Variants in SYNE1 observed in about 807,000 individuals in gnomAD.
The protein encoded by SYNE1 is spectrin repeat containing nuclear envelope protein 1, also known as nesprin-1.
SYNE1 carries 616 observed loss-of-function variants against 1,111.0 expected under a neutral mutation model. The observed-to-expected ratio is 0.55, with a 90% CI of 0.52 to 0.59. SYNE1 has a LOEUF of 0.59. SYNE1 is among the 20% of genes least tolerant of loss of function. The pLI is 0.00. For synonymous variants in SYNE1, 3,855 were observed against 3,825.8 expected (o/e 1.01, Z -0.28); for missense variants, 10,006 against 10,417.0 (o/e 0.96, Z 1.72).
At chr6:152,532,398 A>G (rs962630474) in intron 4 of SYNE1, among the ~76,000 whole-genome samples, 2 of 152,222 alleles carry the variant, frequency 1.3e-5, no homozygotes, top group African/African-American at 4.8e-5. Flanking sequence ...ATCATCAAAA[A>G]AAGCTACAAT....
chr6:152,122,058 T>A lies in SYNE1; in HGVS notation c.*378A>T, dbSNP rs1437500772. 1 of 307,854 alleles carries A rather than the reference T, an allele frequency of 3.2e-6. No individual in the cohort carries two copies. Among genetic ancestry groups the A allele is most frequent in the Non-Finnish European group, 6.3e-6 (1 of 159,704 alleles). The allele number at this position is 307,854 out of a possible 1,614,324, so 19.1% of individuals were successfully genotyped here. On this transcript the variant is annotated 3_prime_UTR_variant, in exon 146 of 146. Coordinates refer to ENST00000367255, the MANE Select transcript of SYNE1 (RefSeq NM_182961.4). ...ATGGTGCTTGGGAGGGTCATTTATCTGATGGTTGGAGCAGCACCATGGGAA... is the reference window on the plus strand; with the variant it reads ...ATGGTGCTTGGGAGGGTCATTTATCAGATGGTTGGAGCAGCACCATGGGAA...
chr6:152,230,792 C>A, intron 114 of SYNE1, 90 bp from the exon 115 acceptor site: 3 of 1,408,542 alleles, frequency 2.1e-6, no homozygotes, highest in South Asian at 1.2e-5. Context: ...GTATTTTCTC[C>A]AAATTAAGAA....
chr6:152,529,251 G>A (rs57917984), intron 4 of SYNE1, among the ~76,000 whole-genome samples: 2,205 of 152,256 alleles, frequency 0.014, 47 homozygotes, highest in African/African-American at 0.05. Flanking sequence ...TATATTGTAT[G>A]TAGTCTATAG....
At chr6:152,240,112 G>A (rs919236169) in intron 107 of SYNE1, among the ~76,000 whole-genome samples, 5 of 152,108 alleles carry the variant, frequency 3.3e-5, no homozygotes, top group African/African-American at 4.8e-5. Flanking sequence ...TGAGGAGTGC[G>A]CGAGGAGTCC....
chr6:152,260,638 A>G (rs1331149240), intron 101 of SYNE1, among the ~76,000 whole-genome samples: 1 of 151,714 alleles, frequency 6.6e-6, no homozygotes, highest in East Asian at 1.9e-4. Flanking sequence ...TCCACAGATG[A>G]CAGGACACCT....
At chr6:152,140,789 T>A (rs2058348005) in intron 139 of SYNE1, among the ~76,000 whole-genome samples, 1 of 152,092 alleles carries the variant, frequency 6.6e-6, no homozygotes, top group Non-Finnish European at 1.5e-5. Flanking sequence ...ATCCCAGCAC[T>A]TTGGGAGGCC....
chr6:152,230,816 G>A (rs2082602310), intron 114 of SYNE1, 114 bp from the exon 115 acceptor site: 1 of 1,217,008 alleles, frequency 8.2e-7, no homozygotes, highest in African/African-American at 1.5e-5. Flanking sequence ...TTAAAATACA[G>A]TTCATCGTAT....
At position 152,221,488 on chromosome 6, in the gene SYNE1, T is replaced by C. The variant is rs750292751; in HGVS notation, c.21594A>G (p.Leu7198=). Residue 7198 remains leucine, a synonymous_variant, in exon 118 of 146, where the codon TTA becomes TTG. Coordinates refer to ENST00000367255, the MANE Select transcript of SYNE1 (RefSeq NM_182961.4). ...CTGTCACGGGTGGGTGACACTCTTT[T>C]AATAATTGGTTGGTGATAGAGCCAA... is the stretch of plus-strand genomic sequence containing the variant. ...QKFGSITNQL[L]KECHPPVTET... is the part of the protein sequence containing the mutation. 4 of 1,614,056 alleles carry C rather than the reference T, an allele frequency of 2.5e-6. No individual in the cohort carries two copies. The highest frequency in any genetic ancestry group is 3.3e-5 in the Admixed American group (2 of 60,014).
In SYNE1 at chr6:152,240,580, A is replaced by G. The variant is rs551765094; in HGVS notation, c.19894-874T>C. Reference sequence around the variant, plus strand: ...TGAGCTTATCTCATTTCCTGTTCCCAGTACCATGATAAAATGGAAGAGCTG... The same window carrying G: ...TGAGCTTATCTCATTTCCTGTTCCCGGTACCATGATAAAATGGAAGAGCTG... On this transcript the variant is annotated intron_variant, in intron 107 of 145. Coordinates refer to ENST00000367255, the MANE Select transcript of SYNE1 (RefSeq NM_182961.4). Among the ~76,000 whole-genome samples, 11 of 152,352 alleles carry G rather than the reference A, an allele frequency of 7.2e-5. No homozygotes were observed. In the East Asian group the frequency reaches 2.1e-3, roughly 29 times the overall value.
At chr6:152,518,895 A>G (rs990350496) in intron 6 of SYNE1, among the ~76,000 whole-genome samples, 12 of 151,870 alleles carry the variant, frequency 7.9e-5, no homozygotes, top group Admixed American at 5.9e-4. Flanking sequence ...AAGCACAGAT[A>G]TATGTATATA....
At chr6:152,613,972 T>C (rs1208115576) in intron 3 of SYNE1, among the ~76,000 whole-genome samples, 5 of 152,170 alleles carry the variant, frequency 3.3e-5, no homozygotes, top group Non-Finnish European at 7.3e-5. Flanking sequence ...TTACACCTTA[T>C]ACAAAAATTA....
intron 3 of SYNE1, among the ~76,000 whole-genome samples, chr6:152,615,714 C>T (rs2099644086): frequency 6.6e-6 from 1 of 152,132 alleles, no homozygotes; most frequent in Non-Finnish European, 1.5e-5. Flanking sequence ...TGTTTACCTA[C>T]AATAATTATA....
chr6:152,325,378 T>G (rs2096033812), intron 80 of SYNE1, 76 bp from the exon 81 acceptor site: 9 of 1,450,798 alleles, frequency 6.2e-6, no homozygotes, highest in Middle Eastern at 1.8e-4. Flanking sequence ...TCTATGGATC[T>G]TGGTAAAGCC....
intron 98 of SYNE1, among the ~76,000 whole-genome samples, chr6:152,276,227 G>T (rs561382375): frequency 7.9e-5 from 12 of 151,948 alleles, no homozygotes; most frequent in South Asian, 4.2e-4. Flanking sequence ...TAGAGATGGG[G>T]TTTCACCATG....
At chr6:152,192,838 T>C (rs549457011) in intron 127 of SYNE1, among the ~76,000 whole-genome samples, 28 of 152,302 alleles carry the variant, frequency 1.8e-4, no homozygotes, top group African/African-American at 5.8e-4. Flanking sequence ...TGTCTTTTTA[T>C]AGTTTTTGTC....
chr6:152,371,796 G>T (rs900731813), intron 59 of SYNE1, among the ~76,000 whole-genome samples: 3 of 143,348 alleles, frequency 2.1e-5, no homozygotes, highest in Non-Finnish European at 4.5e-5. Flanking sequence ...AGGCAGGGAA[G>T]GGAAAGGAAA....
intron 46 of SYNE1, among the ~76,000 whole-genome samples, chr6:152,403,241 G>A (rs1331855468): frequency 6.6e-6 from 1 of 152,166 alleles, no homozygotes; most frequent in African/African-American, 2.4e-5. Context: ...ATGCTTCCAG[G>A]GCTTGGGCAC....
chr6:152,338,764 C>A (rs973550348), intron 75 of SYNE1, among the ~76,000 whole-genome samples: 1 of 152,084 alleles, frequency 6.6e-6, no homozygotes, highest in Non-Finnish European at 1.5e-5. Flanking sequence ...TCATCATAGC[C>A]CAGACAGTTT....
chr6:152,168,965 G>A (rs932526651), intron 130 of SYNE1, among the ~76,000 whole-genome samples: 1 of 152,030 alleles, frequency 6.6e-6, no homozygotes, highest in African/African-American at 2.4e-5. Context: ...AATTTCAAGA[G>A]TTTCCAAACT....
Sources: allele counts gnomAD v4.1 joint callset (sites outside exome capture counted in the v4.1 genomes callset), GRCh38; gene constraint gnomAD v4.1.1; transcripts MANE v1.5; gene names NCBI Gene and HGNC (gene_info 2026-07-23, HGNC 2026-07-21).